Variants in SLC28A2 observed in about 807,000 individuals in gnomAD.
The protein encoded by SLC28A2 is solute carrier family 28 member 2, also known as sodium/nucleoside cotransporter 2.
Under a neutral mutation model 72.9 loss-of-function variants are expected in SLC28A2, and 69 were observed. The observed-to-expected ratio is 0.95, with a 90% CI of 0.78 to 1.16. SLC28A2 has a LOEUF of 1.16. SLC28A2 is among the 50% of genes most tolerant of loss of function. The pLI is 0.00. For missense variants in SLC28A2, 745 were observed against 791.1 expected (o/e 0.94, Z 0.70); for synonymous variants, 296 against 294.1 (o/e 1.01, Z -0.07).
At chr15:45,267,826 G>A (rs112696612) in intron 12 of SLC28A2, 30 bp downstream of exon 12, 2 of 1,613,028 alleles carry the variant, frequency 1.2e-6, no homozygotes, top group Non-Finnish European at 1.7e-6. Context: ...TACTTTGGGA[G>A]ATGGTGAGCT....
rs202176699 is a variant in SLC28A2, at chr15:45,275,535, A to G, written c.*22A>G. The stretch of plus-strand genomic sequence containing the variant: ...CTAAGGCTGCTTGATCTATTTCTAT[A>G]ACAGTTTTGATCTTAAAAGCTTTGT... On this transcript the variant is annotated 3_prime_UTR_variant, in exon 18 of 18. Transcript: ENST00000347644. The G allele has an allele frequency of 2.8e-6, 4 of 1,454,234 alleles. No individual in the cohort carries two copies. The highest frequency in any genetic ancestry group is 2.9e-6 in the Non-Finnish European group (3 of 1,037,920). The allele number at this position is 1,454,234 out of a possible 1,614,324, so 90.1% of individuals were successfully genotyped here.
At chr15:45,264,103 G>A (rs1900249501) in intron 6 of SLC28A2, 81 bp downstream of exon 6, 2 of 1,327,724 alleles carry the variant, frequency 1.5e-6, no homozygotes, top group Non-Finnish European at 2.0e-6. Flanking sequence ...TGCATCAAGT[G>A]TTAATTACAA....
At chr15:45,270,941 AT>A (rs1313213522) in intron 15 of SLC28A2, among the ~76,000 whole-genome samples, 1 of 152,096 alleles carries the variant, frequency 6.6e-6, no homozygotes. Context: ...CTGGTCTTGT[AT>A]TTTATTCAGT....
intron 15 of SLC28A2, among the ~76,000 whole-genome samples, chr15:45,270,805 T>C (rs1900530300): frequency 6.6e-6 from 1 of 151,886 alleles, no homozygotes. Flanking sequence ...ATTATTATTT[T>C]TTTTGTATTT....
rs765691420 is a variant in SLC28A2 at position 45,263,222 on chromosome 15, C to T, written c.424C>T (p.Arg142Cys). Residue 142 changes from arginine (R) to cysteine (C), a missense_variant, in exon 5 of 18, where the codon CGC becomes TGC. Transcript: ENST00000347644. ...ATGTCTGAAGCCCTTTGAAAACTCC[C>T]GCCTGAGGCTTTGGACGAAATGGTA... ...TRCLKPFENS[R>C]LRLWTKWVFA... The T allele has an allele frequency of 5.0e-6, 8 of 1,613,690 alleles. No homozygotes were observed. Among genetic ancestry groups the T allele is most frequent in the Middle Eastern group, 1.6e-4 (1 of 6,080 alleles).
chr15:45,270,128 T>C (rs1466651988), intron 14 of SLC28A2, 67 bp from the exon 15 acceptor site: 23 of 1,069,908 alleles, frequency 2.1e-5, no homozygotes, highest in Non-Finnish European at 3.3e-5. Context: ...CTGGAACTTC[T>C]ATTGTGATTA....
At chr15:45,252,337 A>G in intron 1 of SLC28A2, 59 bp downstream of exon 1, 1 of 455,094 alleles carries the variant, frequency 2.2e-6, no homozygotes, top group South Asian at 1.6e-5. Flanking sequence ...TAAAGAGATC[A>G]TATTTAAACT....
Position 45,264,533 on chromosome 15 carries a change from A to G in SLC28A2, c.589-122A>G, listed in dbSNP as rs965849194. The G allele has an allele frequency of 2.4e-5, 16 of 677,166 alleles. No homozygotes were observed. In the African/African-American group the frequency reaches 2.8e-4, roughly 12 times the overall value. 41.9% of individuals were successfully genotyped at this position (677,166 alleles called of 1,614,324 possible). A position where few individuals can be genotyped will look rare whatever the true frequency, so the allele number is the denominator to read the frequency against. On this transcript the variant is annotated intron_variant, in intron 6 of 17. Coordinates refer to ENST00000347644, the MANE Select transcript of SLC28A2 (RefSeq NM_004212.4). The stretch of plus-strand genomic sequence containing the variant: ...TACCATTGCCCCTGCTCCCTATGCC[A>G]TCAGACCCTAGACTTACTGTTAATA...
At position 45,276,494 on chromosome 15, in the gene SLC28A2, G is replaced by GA. The variant is rs1900758237; in HGVS notation, c.*987dup. 6.8e-6 allele frequency: 1 copy of GA among 147,402 alleles called. No homozygotes were observed. Among genetic ancestry groups the GA allele is most frequent in the Admixed American group, 6.8e-5 (1 of 14,668 alleles). The allele number at this position is 147,402 out of a possible 1,614,324, so 9.1% of individuals were successfully genotyped here. A position where few individuals can be genotyped will look rare whatever the true frequency, so the allele number is the denominator to read the frequency against. ...TTAAAGTATAATAATAATAATAAAA[G>GA]AAAAAACTTCATAAAATAAAGTGAA... On this transcript the variant is annotated 3_prime_UTR_variant, in exon 18 of 18. Coordinates refer to ENST00000347644, the MANE Select transcript of SLC28A2 (RefSeq NM_004212.4).
At chr15:45,253,562 A>T in intron 3 of SLC28A2, 42 bp downstream of exon 3, 1 of 1,398,534 alleles carries the variant, frequency 7.2e-7, no homozygotes. Flanking sequence ...GAAAGGATCT[A>T]GGGTGGGCTG....
At chr15:45,266,950 G>A (rs1275593038) in intron 10 of SLC28A2, among the ~76,000 whole-genome samples, 7 of 152,108 alleles carry the variant, frequency 4.6e-5, no homozygotes, top group South Asian at 2.1e-4. Flanking sequence ...GTCAGTGCTG[G>A]ATATGGCTTA....
In SLC28A2 at chr15:45,276,055, G is replaced by GTA. The variant is rs1900747300; in HGVS notation, c.*542_*543insTA. ...ATGGCATTCCTCATGGGCCCTGCCT[G>GTA]AACTTTCATTTGAAAAAATAAGTAT... is the stretch of plus-strand genomic sequence containing the variant. On this transcript the variant is annotated 3_prime_UTR_variant, in exon 18 of 18. Coordinates refer to ENST00000347644, the MANE Select transcript of SLC28A2 (RefSeq NM_004212.4). 1 of 152,002 alleles carries GTA rather than the reference G, an allele frequency of 6.6e-6. No individual in the cohort carries two copies. Among genetic ancestry groups the GTA allele is most frequent in the South Asian group, 2.1e-4 (1 of 4,836 alleles). The allele number at this position is 152,002 out of a possible 1,614,324, so 9.4% of individuals were successfully genotyped here. A position where few individuals can be genotyped will look rare whatever the true frequency, so the allele number is the denominator to read the frequency against.
chr15:45,270,384 T>C lies in SLC28A2; in HGVS notation c.1648+108T>C, dbSNP rs1010025530. On this transcript the variant is annotated intron_variant, in intron 15 of 17. Coordinates refer to ENST00000347644, the MANE Select transcript of SLC28A2 (RefSeq NM_004212.4). ...AAGCTGGGATCAGATAGAGAAGCCA[T>C]TGTGAAATGGGCCCATTTCTTAGGC... The C allele has an allele frequency of 5.0e-6, 4 of 795,316 alleles. No homozygotes were observed. The African/African-American group carries it at 5.1e-5, about 10-fold the overall frequency. The allele number at this position is 795,316 out of a possible 1,614,324, so 49.3% of individuals were successfully genotyped here. A position where few individuals can be genotyped will look rare whatever the true frequency, so the allele number is the denominator to read the frequency against.
chr15:45,253,665 A>C (rs1567054991), intron 3 of SLC28A2, 145 bp downstream of exon 3: 2 of 558,614 alleles, frequency 3.6e-6, no homozygotes, highest in Non-Finnish European at 3.3e-6. Flanking sequence ...TAACTTAAAC[A>C]TGTGCCATAA....
rs1900209294 is a variant in SLC28A2 at position 45,263,041 on chromosome 15, T to G, written c.263-20T>G. The G allele has an allele frequency of 1.2e-6, 2 of 1,603,434 alleles. No individual in the cohort carries two copies. The highest frequency in any genetic ancestry group is 2.7e-5 in the African/African-American group (2 of 74,290). ...GAAGCACTGCCTTGCTGATCTTTAC[T>G]CTGCTTCTTCTCTTTTTAGCCTATG... On this transcript the variant is annotated intron_variant, in intron 4 of 17. Coordinates refer to ENST00000347644, the MANE Select transcript of SLC28A2 (RefSeq NM_004212.4).
Position 45,268,380 on chromosome 15 carries a change from T to A in SLC28A2, c.1368+2T>A. On this transcript the variant is annotated splice_donor_variant, in intron 13 of 17. Coordinates refer to ENST00000347644, the MANE Select transcript of SLC28A2 (RefSeq NM_004212.4). LOFTEE classifies it high-confidence loss of function. ...GACATACAGGGGCTCACTTTCCAGG[T>A]AAAGGATTACATTTGTTGGGCTGTC... 6.3e-7 allele frequency: 1 copy of A among 1,583,980 alleles called. No homozygotes were observed. Among genetic ancestry groups the A allele is most frequent in the Non-Finnish European group, 8.6e-7 (1 of 1,156,622 alleles).
chr15:45,255,208 A>G (rs995942021), intron 3 of SLC28A2: 2 of 151,750 alleles, frequency 1.3e-5, no homozygotes, highest in African/African-American at 2.4e-5. Flanking sequence ...GTGAGCCATG[A>G]TCGTGCCACT....
chr15:45,275,279 T>C, intron 17 of SLC28A2, 117 bp from the exon 18 acceptor site: 2 of 668,484 alleles, frequency 3.0e-6, no homozygotes, highest in Non-Finnish European at 2.7e-6. Context: ...TCATGGCTGA[T>C]GGGTCAATTT....
At position 45,272,332 on chromosome 15, in the gene SLC28A2, G is replaced by A; in HGVS notation, c.1686G>A (p.Lys562=). 1 of 1,613,996 alleles carries A rather than the reference G, an allele frequency of 6.2e-7. No homozygotes were observed. Among genetic ancestry groups the A allele is most frequent in the South Asian group, 1.1e-5 (1 of 91,074 alleles). ...CTCACCGGAAGAGTGACTTGTCCAA[G>A]GTTGTGGTCAGGGCCCTCTTCACAG... is the stretch of plus-strand genomic sequence containing the variant. ...IVPHRKSDLS[K]VVVRALFTGA... is the part of the protein sequence containing the mutation. Residue 562 remains lysine (K), a synonymous_variant, in exon 16 of 18, where the codon AAG becomes AAA. Coordinates refer to ENST00000347644, the MANE Select transcript of SLC28A2 (RefSeq NM_004212.4).
Sources: gnomAD v4.1 joint callset for allele counts (sites outside exome capture counted in the v4.1 genomes callset) on GRCh38, gnomAD v4.1.1 for gene constraint, MANE v1.5 for transcripts, NCBI Gene and HGNC (gene_info 2026-07-23, HGNC 2026-07-21) for gene names.